The following DAB2IP variants were observed in gnomAD, a reference collection of about 807,000 sequenced individuals.
DAB2IP encodes the protein DAB2 interacting protein.
In DAB2IP, 28 loss-of-function variants were observed where a neutral mutation model predicts 107.2. That is an observed-to-expected ratio of 0.26 (90% confidence interval 0.19 to 0.36). The LOEUF is 0.36. Among genes scored for constraint, DAB2IP ranks in the 10% least tolerant of loss-of-function variants. The pLI is 1.00. For missense variants in DAB2IP, 1,400 were observed against 1,644.7 expected (o/e 0.85, Z 2.57); for synonymous variants, 755 against 706.4 (o/e 1.07, Z -1.09).
At position 121,780,547 on chromosome 9, in the gene DAB2IP, C is replaced by T. The variant is rs138017473; in HGVS notation, c.3315-917C>T. 3.9e-5 allele frequency among the ~76,000 whole-genome samples: 6 copies of T among 152,300 alleles called. No homozygotes were observed. In the East Asian group the frequency reaches 1.2e-3, roughly 29 times the overall value. On this transcript the variant is annotated intron_variant, in intron 14 of 15. Coordinates refer to ENST00000408936, the Ensembl canonical transcript of DAB2IP. ...AGAGAAGCCTTGGGAGTGGAGGGCT[C>T]ATCTAAGAGTGTGTGGAGCAAGGAG...
At chr9:121,754,610 C>T (rs1336392858) in intron 3 of DAB2IP, among the ~76,000 whole-genome samples, 1 of 152,214 alleles carries the variant, frequency 6.6e-6, no homozygotes, top group Admixed American at 6.5e-5. Flanking sequence ...AGCTTCCCTA[C>T]AGCCCTCTCT....
chr9:121,582,282 A>G (rs1323878579), intron 1 of DAB2IP, among the ~76,000 whole-genome samples: 1 of 152,124 alleles, frequency 6.6e-6, no homozygotes, highest in African/African-American at 2.4e-5. Flanking sequence ...TGAAGAGGTC[A>G]GGGACTGCCT....
At chr9:121,644,231 A>G (rs1177809777) in intron 1 of DAB2IP, among the ~76,000 whole-genome samples, 1 of 151,602 alleles carries the variant, frequency 6.6e-6, no homozygotes, top group Non-Finnish European at 1.5e-5. Context: ...GGGGAAGGGG[A>G]AGAGGAAGGA....
chr9:121,688,970 C>T (rs1829026764), intron 2 of DAB2IP, among the ~76,000 whole-genome samples: 1 of 152,168 alleles, frequency 6.6e-6, no homozygotes, highest in South Asian at 2.1e-4. Context: ...TGACCCAGCC[C>T]ACCAGAGGCC....
chr9:121,679,125 T>G (rs7047340), intron 2 of DAB2IP, among the ~76,000 whole-genome samples: 27,265 of 152,006 alleles, frequency 0.18, 4,508 homozygotes, highest in African/African-American at 0.43. Context: ...ACACTGTGCT[T>G]CTGCAACCCC....
At chr9:121,693,616 G>A (rs1829272341) in intron 2 of DAB2IP, among the ~76,000 whole-genome samples, 1 of 152,242 alleles carries the variant, frequency 6.6e-6, no homozygotes, top group Non-Finnish European at 1.5e-5. Flanking sequence ...GGGCCCACAG[G>A]GTTCTGCCTC....
intron 1 of DAB2IP, among the ~76,000 whole-genome samples, chr9:121,625,994 C>T (rs570361438): frequency 2.6e-5 from 4 of 152,084 alleles, no homozygotes; most frequent in African/African-American, 4.8e-5. Context: ...TTGGCATTTG[C>T]GTTTGTGATT....
intron 13 of DAB2IP, 121 bp downstream of exon 13, chr9:121,774,533 CCT>C: frequency 8.8e-7 from 1 of 1,130,950 alleles, no homozygotes; most frequent in Non-Finnish European, 1.2e-6. Flanking sequence ...GGGCCCGTCA[CCT>C]CTGAGCCCCT....
intron 3 of DAB2IP, among the ~76,000 whole-genome samples, chr9:121,744,589 C>T (rs1302913455): frequency 6.6e-6 from 1 of 152,204 alleles, no homozygotes; most frequent in Non-Finnish European, 1.5e-5. Flanking sequence ...TCTGGTGACC[C>T]AGGCTTCCTG....
intron 1 of DAB2IP, among the ~76,000 whole-genome samples, chr9:121,636,124 T>A (rs1426934630): frequency 6.6e-6 from 1 of 152,090 alleles, no homozygotes; most frequent in Non-Finnish European, 1.5e-5. Flanking sequence ...CCCAGGCTGG[T>A]TTCGAGTTCC....
intron 3 of DAB2IP, among the ~76,000 whole-genome samples, chr9:121,735,296 TAGGGCCCAGC>T (rs1831818532): frequency 1.3e-5 from 2 of 152,100 alleles, no homozygotes; most frequent in African/African-American, 4.8e-5. Flanking sequence ...GCCTGGAGCC[TAGGGCCCAGC>T]AGGGGATGGA....
intron 1 of DAB2IP, among the ~76,000 whole-genome samples, chr9:121,585,999 C>G (rs73544263): frequency 2.0e-5 from 3 of 152,136 alleles, no homozygotes; most frequent in African/African-American, 7.2e-5. Context: ...GGCTCCCTGT[C>G]GCTGGGCCTC....
chr9:121,651,626 G>A lies in DAB2IP; in HGVS notation c.-150G>A, dbSNP rs1389901784. The A allele has an allele frequency of 9.5e-7, 1 of 1,055,674 alleles. No individual in the cohort carries two copies. The highest frequency in any genetic ancestry group is 1.1e-6 in the Non-Finnish European group (1 of 876,034). 65.4% of individuals were successfully genotyped at this position (1,055,674 alleles called of 1,614,324 possible). On this transcript the variant is annotated 5_prime_UTR_variant, in exon 1 of 16. Coordinates refer to ENST00000408936, the Ensembl canonical transcript of DAB2IP. This position sits in a 1 kb window ranked among gnomAD's most constrained non-coding sequence, Gnocchi z 5.1. ...GGAGGGGGCAGGAGGCGGAGGAGGAGTTTGAGCGACTTTGTGGGGCAGCCA... is the reference window on the plus strand; with the variant it reads ...GGAGGGGGCAGGAGGCGGAGGAGGAATTTGAGCGACTTTGTGGGGCAGCCA...
intron 2 of DAB2IP, among the ~76,000 whole-genome samples, chr9:121,680,371 A>C: frequency 6.6e-6 from 1 of 152,206 alleles, no homozygotes. Flanking sequence ...CATTTTAACA[A>C]GCTTTCCCCA....
chr9:121,609,431 G>T (rs909366076), intron 1 of DAB2IP, among the ~76,000 whole-genome samples: 1 of 152,176 alleles, frequency 6.6e-6, no homozygotes, highest in African/African-American at 2.4e-5. Context: ...ACCAGGATCA[G>T]TTTTCTCCAC....
intron 2 of DAB2IP, among the ~76,000 whole-genome samples, chr9:121,690,617 G>A (rs998803320): frequency 2.0e-5 from 3 of 152,170 alleles, no homozygotes; most frequent in African/African-American, 7.2e-5. Flanking sequence ...TGCGTAACTG[G>A]TTTCTGTTCG....
At chr9:121,661,655 C>T (rs1202487549) in intron 1 of DAB2IP, among the ~76,000 whole-genome samples, 1 of 151,938 alleles carries the variant, frequency 6.6e-6, no homozygotes, top group Non-Finnish European at 1.5e-5. Flanking sequence ...TGGGCCAAAC[C>T]CCTCCATCTA....
upstream of DAB2IP, chr9:121,651,536 G>C (rs1376503987): frequency 4.3e-6 from 2 of 469,756 alleles, no homozygotes; most frequent in East Asian, 1.3e-4. This position sits in a 1 kb window ranked among gnomAD's most constrained non-coding sequence, Gnocchi z 5.1. Context: ...CTGACTTTCC[G>C]GGCCGGTGCC....
intron 3 of DAB2IP, among the ~76,000 whole-genome samples, chr9:121,741,608 C>T (rs1378569394): frequency 6.6e-5 from 10 of 151,958 alleles, no homozygotes; most frequent in African/African-American, 2.4e-4. Flanking sequence ...CCTTATGGGA[C>T]GGAGCAGGCA....
Sources: allele counts gnomAD v4.1 joint callset (sites outside exome capture counted in the v4.1 genomes callset), GRCh38; gene constraint gnomAD v4.1.1; non-coding constraint Gnocchi (gnomAD v3.1); transcripts MANE v1.5; gene names NCBI Gene and HGNC (gene_info 2026-07-23, HGNC 2026-07-21).